Variants in QKI observed in about 807,000 individuals in gnomAD.
QKI encodes the protein KH domain-containing RNA-binding protein QKI.
In QKI, 10 loss-of-function variants were observed where a neutral mutation model predicts 39.0. That is an observed-to-expected ratio of 0.26 (90% CI 0.16 to 0.43). The LOEUF (loss-of-function observed/expected upper bound fraction) is 0.43. QKI is among the 20% of genes least tolerant of loss of function. The pLI is 1.00. For synonymous variants in QKI, 204 were observed against 155.4 expected, an observed-to-expected ratio of 1.31 and a Z score of -2.33; for missense variants, 218 against 428.0, an observed-to-expected ratio of 0.51 and a Z score of 4.33.
In QKI at chr6:163,451,128, C is replaced by T. The variant is rs149864832; in HGVS notation, c.143-4151C>T. The stretch of plus-strand genomic sequence containing the variant: ...AAATAACCAGGAAAAAAATTGAAAT[C>T]TTCTGTTGGTGTCTAAACAAACAGT... On this transcript the variant is annotated intron_variant, in intron 1 of 7. Coordinates refer to ENST00000361752, the MANE Select transcript of QKI (RefSeq NM_006775.3). 5.9e-3 allele frequency among the ~76,000 whole-genome samples: 893 copies of T among 152,292 alleles called. 10 individuals are homozygous for T. The highest frequency in any genetic ancestry group is 0.026 in the Admixed American group (401 of 15,288).
intron 4 of QKI, among the ~76,000 whole-genome samples, chr6:163,543,131 C>G (rs1252600535): frequency 2.6e-5 from 4 of 151,996 alleles, no homozygotes; most frequent in Non-Finnish European, 5.9e-5. Context: ...GACATCATGA[C>G]CATAGAGATG....
At chr6:163,454,794 A>C (rs1562450018) in intron 1 of QKI, among the ~76,000 whole-genome samples, 1 of 152,196 alleles carries the variant, frequency 6.6e-6, no homozygotes, top group South Asian at 2.1e-4. Flanking sequence ...TGTCTTTTGA[A>C]CATCTCTGTT....
chr6:163,548,886 GC>G (rs1300082290), intron 4 of QKI, among the ~76,000 whole-genome samples: 1 of 152,190 alleles, frequency 6.6e-6, no homozygotes, highest in African/African-American at 2.4e-5. Context: ...GGCAAAATAA[GC>G]AGTTATTTAA....
At chr6:163,422,486 G>A (rs980202196) in intron 1 of QKI, among the ~76,000 whole-genome samples, 1 of 152,172 alleles carries the variant, frequency 6.6e-6, no homozygotes, top group Non-Finnish European at 1.5e-5. Context: ...CCAGCTACTT[G>A]GGACGCTAAG....
Position 163,416,067 on chromosome 6 carries a change from G to T in QKI, c.142+732G>T, listed in dbSNP as rs913750469. On this transcript the variant is annotated intron_variant, in intron 1 of 7. Transcript: ENST00000361752. ...ACTTTTCGGGGGTGGGGGGGGGGGG[G>T]GTGGAGTGCGAAATAACGCGATGAC... The T allele has an allele frequency of 6.4e-4, 49 of 76,730 alleles. 5 individuals carry two copies. The highest frequency in any genetic ancestry group is 4.8e-3 in the East Asian group (7 of 1,468). 4.8% of individuals were successfully genotyped at this position (76,730 alleles called of 1,614,324 possible). A position where few individuals can be genotyped will look rare whatever the true frequency, so the allele number is the denominator to read the frequency against.
At chr6:163,550,932 G>A (rs1351436745) in intron 4 of QKI, among the ~76,000 whole-genome samples, 2 of 128,104 alleles carry the variant, frequency 1.6e-5, no homozygotes, top group Non-Finnish European at 3.2e-5. Context: ...GGGCGACAGA[G>A]CAAGACTCTG....
chr6:163,560,307 C>T (rs530950230), intron 4 of QKI, among the ~76,000 whole-genome samples: 55 of 152,228 alleles, frequency 3.6e-4, no homozygotes, highest in African/African-American at 1.3e-3. Flanking sequence ...TATATTGCAG[C>T]CTCTTTTTTC....
At chr6:163,500,145 G>A (rs992740801) in intron 3 of QKI, among the ~76,000 whole-genome samples, 2 of 152,172 alleles carry the variant, frequency 1.3e-5, no homozygotes, top group East Asian at 1.9e-4. Context: ...AAGAGAAGAC[G>A]TTTATGTCCC....
chr6:163,549,210 G>A (rs531024906), intron 4 of QKI, among the ~76,000 whole-genome samples: 2 of 152,044 alleles, frequency 1.3e-5, no homozygotes, highest in South Asian at 2.1e-4. Context: ...GAGGTTGAGG[G>A]GGGGGACATG....
chr6:163,474,924 T>A (rs1265883895), intron 2 of QKI, among the ~76,000 whole-genome samples: 1 of 151,772 alleles, frequency 6.6e-6, no homozygotes, highest in Non-Finnish European at 1.5e-5. Context: ...CTTGACGTTA[T>A]TGAGAGAGAT....
intron 1 of QKI, among the ~76,000 whole-genome samples, chr6:163,441,282 C>T (rs1342197719): frequency 6.6e-6 from 1 of 152,004 alleles, no homozygotes; most frequent in Non-Finnish European, 1.5e-5. Flanking sequence ...ATAAAGAGAC[C>T]AAGCCATTTG....
chr6:163,420,336 T>G (rs1163423455), intron 1 of QKI, among the ~76,000 whole-genome samples: 1 of 152,100 alleles, frequency 6.6e-6, no homozygotes, highest in African/African-American at 2.4e-5. Flanking sequence ...GATTTATTTG[T>G]TTGATGTTGC....
At position 163,512,681 on chromosome 6, in the gene QKI, A is replaced by G. The variant is rs377705925; in HGVS notation, c.403-22301A>G. 4.7e-4 allele frequency among the ~76,000 whole-genome samples: 72 copies of G among 152,246 alleles called. No individual in the cohort carries two copies. In the East Asian group the frequency reaches 6.6e-3, roughly 14 times the overall value. On this transcript the variant is annotated intron_variant, in intron 3 of 7. Transcript: ENST00000361752. ...ATCAAAAAGAACATTGCATCCAACA[A>G]TGACACTATTTACATTATTTTAAAG...
intron 4 of QKI, among the ~76,000 whole-genome samples, chr6:163,540,874 C>T (rs1389811421): frequency 1.3e-5 from 2 of 151,870 alleles, no homozygotes; most frequent in Admixed American, 6.6e-5. Flanking sequence ...CTTCAAATAT[C>T]TACTTTTTTT....
At chr6:163,526,711 T>G (rs1012697795) in intron 3 of QKI, among the ~76,000 whole-genome samples, 2 of 152,240 alleles carry the variant, frequency 1.3e-5, no homozygotes, top group African/African-American at 4.8e-5. Context: ...TAACTATGTT[T>G]CATCAAGATC....
intron 3 of QKI, among the ~76,000 whole-genome samples, chr6:163,513,139 A>G (rs749375655): frequency 9.2e-5 from 14 of 152,114 alleles, no homozygotes; most frequent in Non-Finnish European, 2.1e-4. Context: ...TGTTTATAGG[A>G]AAAAACGTAG....
At chr6:163,557,583 A>G (rs918758343) in intron 4 of QKI, among the ~76,000 whole-genome samples, 1 of 152,186 alleles carries the variant, frequency 6.6e-6, no homozygotes, top group African/African-American at 2.4e-5. Context: ...GTACGATAAT[A>G]TAGTTAGAAT....
intron 3 of QKI, among the ~76,000 whole-genome samples, chr6:163,497,354 A>C (rs1301944744): frequency 6.6e-6 from 1 of 152,120 alleles, no homozygotes; most frequent in Non-Finnish European, 1.5e-5. Flanking sequence ...TTGCTGTTTA[A>C]AACAATTTTA....
chr6:163,568,338 A>C (rs1057116994), intron 7 of QKI: 1 of 985,264 alleles, frequency 1.0e-6, no homozygotes, highest in Non-Finnish European at 1.2e-6. Context: ...TGGCCTACTT[A>C]ATACTCCAGT....
Sources: allele counts gnomAD v4.1 joint callset (sites outside exome capture counted in the v4.1 genomes callset), GRCh38; gene constraint gnomAD v4.1.1; transcripts MANE v1.5; gene names NCBI Gene and HGNC (gene_info 2026-07-23, HGNC 2026-07-21).